Variants in ICE1 observed in about 807,000 individuals in gnomAD.
ICE1 encodes little elongation complex subunit 1.
Under a neutral mutation model 192.7 loss-of-function variants are expected in ICE1, and 64 were observed. The observed-to-expected ratio is 0.33, with a 90% confidence interval of 0.27 to 0.41. The LOEUF (loss-of-function observed/expected upper bound fraction) is 0.41, where lower values mean the gene tolerates loss of function less well. ICE1 is among the 10% of genes least tolerant of loss of function. The pLI is 1.00. For synonymous variants in ICE1, 1,010 were observed against 984.5 expected (o/e 1.03, Z -0.49); for missense variants, 2,708 against 2,696.0 (o/e 1.00, Z -0.10).
chr5:5,426,912 T>A (rs766423221), intron 1 of ICE1, among the ~76,000 whole-genome samples: 17 of 152,238 alleles, frequency 1.1e-4, no homozygotes, highest in Non-Finnish European at 2.4e-4. Context: ...GTTTTAACTT[T>A]TTGATCATGC....
At chr5:5,441,085 G>A in intron 4 of ICE1, 27 bp from the exon 5 acceptor site, 1 of 1,322,280 alleles carries the variant, frequency 7.6e-7, no homozygotes, top group Non-Finnish European at 1.1e-6. Flanking sequence ...ATCCTTTTCT[G>A]TAATAATGTT....
At chr5:5,442,520 G>C (rs990477865) in intron 5 of ICE1, among the ~76,000 whole-genome samples, 21 of 152,192 alleles carry the variant, frequency 1.4e-4, no homozygotes, top group Non-Finnish European at 2.5e-4. Context: ...GAACATTGGA[G>C]TTAGACCTTA....
chr5:5,429,678 T>C (rs1224631344), intron 1 of ICE1, among the ~76,000 whole-genome samples: 1 of 152,234 alleles, frequency 6.6e-6, no homozygotes, highest in Non-Finnish European at 1.5e-5. Context: ...TTTTCCTGGC[T>C]ACACTGGCCA....
chr5:5,442,126 A>G (rs1249644024), intron 5 of ICE1, among the ~76,000 whole-genome samples: 1 of 152,214 alleles, frequency 6.6e-6, no homozygotes, highest in Admixed American at 6.5e-5. Context: ...TCCCTTTTCT[A>G]TGTAAATTGT....
At chr5:5,449,694 A>G (rs1006213833) in intron 10 of ICE1, among the ~76,000 whole-genome samples, 1 of 152,184 alleles carries the variant, frequency 6.6e-6, no homozygotes, top group Non-Finnish European at 1.5e-5. Flanking sequence ...TTTGCCAGGT[A>G]ATTGATTAAA....
At chr5:5,477,904 C>T (rs1739365525) in intron 17 of ICE1, among the ~76,000 whole-genome samples, 1 of 152,162 alleles carries the variant, frequency 6.6e-6, no homozygotes. Context: ...TCAATAGATA[C>T]CGAAAAGGCC....
At chr5:5,468,552 G>T (rs1739060378) in intron 14 of ICE1, among the ~76,000 whole-genome samples, 2 of 152,188 alleles carry the variant, frequency 1.3e-5, no homozygotes, top group Non-Finnish European at 1.5e-5. Context: ...CCTATGTAAT[G>T]TAATACAAAA....
chr5:5,486,634 C>T (rs1243914697), intron 17 of ICE1, 87 bp from the exon 18 acceptor site: 3 of 870,788 alleles, frequency 3.4e-6, no homozygotes, highest in Admixed American at 2.1e-5. Context: ...TTGATCACCT[C>T]TTGTAAGAGA....
At chr5:5,485,537 A>G (rs1029329324) in intron 17 of ICE1, among the ~76,000 whole-genome samples, 2 of 152,234 alleles carry the variant, frequency 1.3e-5, no homozygotes, top group African/African-American at 4.8e-5. Flanking sequence ...ATGCTACAAT[A>G]AAACTCAACA....
intron 3 of ICE1, 66 bp downstream of exon 3, chr5:5,437,180 T>A: frequency 5.6e-6 from 7 of 1,259,220 alleles, no homozygotes; most frequent in Non-Finnish European, 7.9e-6. Context: ...CTGAAAGAGA[T>A]GTGAGAATTG....
At chr5:5,423,921 A>G (rs746262421) in intron 1 of ICE1, among the ~76,000 whole-genome samples, 1 of 152,240 alleles carries the variant, frequency 6.6e-6, no homozygotes, top group Non-Finnish European at 1.5e-5. Context: ...GTGTTAGAAA[A>G]TAAAGGAGGA....
At position 5,423,414 on chromosome 5, in the gene ICE1, G is replaced by A. The variant is rs77889672; in HGVS notation, c.84+415G>A. On this transcript the variant is annotated intron_variant, in intron 1 of 18. Coordinates refer to ENST00000296564, the MANE Select transcript of ICE1 (RefSeq NM_015325.3). Reference sequence around the variant, plus strand: ...GCCCATCCTGAGTATTTGTTGTTTGGAGGCAGAATCTTACGTGACATGTGG... The same window carrying A: ...GCCCATCCTGAGTATTTGTTGTTTGAAGGCAGAATCTTACGTGACATGTGG... Among the ~76,000 whole-genome samples, 1,450 of 146,216 alleles carry A rather than the reference G, an allele frequency of 9.9e-3. 65 individuals carry two copies. Among genetic ancestry groups the A allele is most frequent in the Admixed American group, 0.072 (1,040 of 14,540 alleles).
intron 17 of ICE1, among the ~76,000 whole-genome samples, chr5:5,476,856 A>G (rs1364827133): frequency 1.3e-5 from 2 of 152,134 alleles, no homozygotes; most frequent in African/African-American, 4.8e-5. Flanking sequence ...CACCTGCCCA[A>G]TTTTTTCATA....
rs770427870 is a variant in ICE1 at position 5,476,060 on chromosome 5, C to A, written c.6501C>A (p.Ala2167=). 5.0e-6 allele frequency: 8 copies of A among 1,588,536 alleles called. 1 individual carries two copies. Among genetic ancestry groups the A allele is most frequent in the African/African-American group, 1.4e-5 (1 of 73,680 alleles). Reference sequence around the variant, plus strand: ...CGTATACTCCTGATATTATTATAGCCTCAATACTGAGGCTGATTGGTAAGT... The same window carrying A: ...CGTATACTCCTGATATTATTATAGCATCAATACTGAGGCTGATTGGTAAGT... The part of the protein sequence containing the change: ...NIAYTPDIII[A]SILRLIGRLG... Residue 2167 remains alanine, a synonymous_variant, in exon 17 of 19, where the codon GCC becomes GCA. Coordinates refer to ENST00000296564, the MANE Select transcript of ICE1 (RefSeq NM_015325.3).
Position 5,464,503 on chromosome 5 carries a change from C to T in ICE1, c.5169C>T (p.His1723=), listed in dbSNP as rs754250212. Residue 1723 remains histidine (H), a synonymous_variant, in exon 13 of 19, where the codon CAC becomes CAT. Transcript: ENST00000296564. This position sits in a 1 kb window ranked among gnomAD's most constrained non-coding sequence, Gnocchi z 4.0. ...AGTTCTGTGCGGCCACGCCGAAGCA[C>T]GCACTTCCTGTGCCTGGCCGACTCC... The part of the protein sequence containing the change: ...PLQFCAATPK[H]ALPVPGRLPP... 5.1e-5 allele frequency: 82 copies of T among 1,613,852 alleles called. No individual in the cohort carries two copies. Among genetic ancestry groups the T allele is most frequent in the East Asian group, 2.0e-4 (9 of 44,880 alleles).
chr5:5,471,984 A>T (rs1482429818), intron 15 of ICE1, among the ~76,000 whole-genome samples: 1 of 152,170 alleles, frequency 6.6e-6, no homozygotes, highest in African/African-American at 2.4e-5. Flanking sequence ...CCTTTTAAAA[A>T]AGCATTTAAA....
intron 10 of ICE1, among the ~76,000 whole-genome samples, chr5:5,449,433 T>A (rs992446088): frequency 1.3e-5 from 2 of 151,842 alleles, no homozygotes; most frequent in Non-Finnish European, 2.9e-5. Flanking sequence ...TTTCTTTTCT[T>A]TAAAATTCCA....
chr5:5,441,853 T>C (rs1738063098), intron 5 of ICE1, among the ~76,000 whole-genome samples: 1 of 152,234 alleles, frequency 6.6e-6, no homozygotes, highest in Admixed American at 6.5e-5. Context: ...CAGTCATGTA[T>C]AGTCTCTTGT....
intron 1 of ICE1, among the ~76,000 whole-genome samples, chr5:5,427,712 C>G (rs1032596495): frequency 3.3e-5 from 5 of 152,164 alleles, no homozygotes; most frequent in Admixed American, 1.3e-4. Context: ...ACAAGGAATG[C>G]TTACAAAATT....
Sources: allele counts gnomAD v4.1 joint callset (sites outside exome capture counted in the v4.1 genomes callset), GRCh38; gene constraint gnomAD v4.1.1; non-coding constraint Gnocchi (gnomAD v3.1); transcripts MANE v1.5; gene names NCBI Gene and HGNC (gene_info 2026-07-23, HGNC 2026-07-21).